Variants in KREMEN1 observed in about 807,000 individuals in gnomAD.
KREMEN1 encodes kringle containing transmembrane protein 1, also known as kremen protein 1.
A neutral mutation model predicts 46.5 loss-of-function variants in KREMEN1; 30 were observed. The observed-to-expected ratio is 0.65, with a 90% CI of 0.48 to 0.88. KREMEN1 has a LOEUF of 0.88. Ranked by LOEUF, KREMEN1 falls within the 40% of genes least tolerant of loss-of-function variation. The pLI is 0.00. For missense variants in KREMEN1, 533 were observed against 596.9 expected (o/e 0.89, Z 1.11); for synonymous variants, 214 against 230.6 (o/e 0.93, Z 0.65).
intron 4 of KREMEN1, among the ~76,000 whole-genome samples, chr22:29,122,847 A>C (rs927812251): frequency 5.5e-5 from 8 of 144,698 alleles, no homozygotes; most frequent in Non-Finnish European, 1.1e-4. Context: ...CTGAGGCGGG[A>C]GAATTGCTTG....
At chr22:29,148,769 C>T (rs901076068), downstream of KREMEN1, among the ~76,000 whole-genome samples, 2 of 152,068 alleles carry the variant, frequency 1.3e-5, no homozygotes, top group African/African-American at 4.8e-5. Flanking sequence ...AAGCTTCTAA[C>T]CTGACTGGCA....
chr22:29,136,665 G>A (rs2038662643), intron 5 of KREMEN1, among the ~76,000 whole-genome samples: 1 of 152,010 alleles, frequency 6.6e-6, no homozygotes, highest in Non-Finnish European at 1.5e-5. Context: ...ATGTAAGACA[G>A]GAAATCACTG....
chr22:29,159,124 GTTT>G (rs1162443966), intron 9 of KREMEN1, among the ~76,000 whole-genome samples: 1 of 35,324 alleles, frequency 2.8e-5, no homozygotes, highest in African/African-American at 7.5e-5. Flanking sequence ...CCAGCCAAGT[GTTT>G]TTTTTTTTTT....
Position 29,073,125 on chromosome 22 carries a change from C to T in KREMEN1, c.-6C>T. ...GCCGCGCCCCGGGGCCCCGCACTGACGGCCCATGGCGCCGCCAGCCGCCCG... is the reference window on the plus strand; with the variant it reads ...GCCGCGCCCCGGGGCCCCGCACTGATGGCCCATGGCGCCGCCAGCCGCCCG... On this transcript the variant is annotated 5_prime_UTR_variant, in exon 1 of 9. In the 5' UTR this introduces an upstream ATG that the reference lacks. Transcript: ENST00000400335. This position sits in a 1 kb window ranked among gnomAD's most constrained non-coding sequence, Gnocchi z 4.4. 1 of 1,040,350 alleles carries T rather than the reference C, an allele frequency of 9.6e-7. No individual in the cohort carries two copies. 64.4% of individuals were successfully genotyped at this position (1,040,350 alleles called of 1,614,324 possible). A position where few individuals can be genotyped will look rare whatever the true frequency, so the allele number is the denominator to read the frequency against.
chr22:29,153,532 T>A (rs4035128), intron 9 of KREMEN1, among the ~76,000 whole-genome samples: 18,101 of 151,978 alleles, frequency 0.12, 1,162 homozygotes, highest in African/African-American at 0.12. Context: ...CTTTTTTTTT[T>A]AATTATTGTA....
At chr22:29,115,174 A>G (rs914710506) in intron 3 of KREMEN1, among the ~76,000 whole-genome samples, 45 of 151,384 alleles carry the variant, frequency 3.0e-4, no homozygotes, top group African/African-American at 1.1e-3. Context: ...AGTGTGAAGG[A>G]ACTCAGGAAT....
intron 2 of KREMEN1, among the ~76,000 whole-genome samples, chr22:29,097,881 T>TA (rs1014462032): frequency 4.0e-4 from 60 of 150,210 alleles, no homozygotes; most frequent in African/African-American, 1.0e-3. Flanking sequence ...ACTGCCTCTT[T>TA]AAAAAAAAAA....
chr22:29,096,076 A>G (rs979093379), intron 2 of KREMEN1, among the ~76,000 whole-genome samples: 2 of 152,096 alleles, frequency 1.3e-5, no homozygotes, highest in Admixed American at 6.6e-5. Flanking sequence ...GTTCTTTTAT[A>G]TTTTATTTTC....
chr22:29,163,209 C>G (rs1375653815), intron 9 of KREMEN1, among the ~76,000 whole-genome samples: 2 of 152,078 alleles, frequency 1.3e-5, no homozygotes, highest in Non-Finnish European at 2.9e-5. Flanking sequence ...GAATTTTTTC[C>G]TGCTCTAGCT....
chr22:29,105,223 G>C (rs1175207507), intron 3 of KREMEN1, among the ~76,000 whole-genome samples: 2 of 152,104 alleles, frequency 1.3e-5, no homozygotes, highest in Non-Finnish European at 2.9e-5. Context: ...GTCTTGTTTA[G>C]GGCTTCTCTA....
intron 3 of KREMEN1, among the ~76,000 whole-genome samples, chr22:29,117,175 A>T (rs1162008290): frequency 6.6e-6 from 1 of 152,164 alleles, no homozygotes; most frequent in African/African-American, 2.4e-5. Flanking sequence ...ACATGCGCAC[A>T]TACACATGAA....
chr22:29,164,841 G>A (rs1220276863), intron 9 of KREMEN1, among the ~76,000 whole-genome samples: 2 of 152,000 alleles, frequency 1.3e-5, no homozygotes, highest in East Asian at 1.9e-4. Context: ...GGCCAGGCAT[G>A]GTGGCTCACA....
At chr22:29,117,346 T>G (rs965813623) in intron 3 of KREMEN1, among the ~76,000 whole-genome samples, 2 of 152,164 alleles carry the variant, frequency 1.3e-5, no homozygotes, top group Non-Finnish European at 2.9e-5. Flanking sequence ...GGTGGGCGGA[T>G]CGCAAGGTCA....
Position 29,143,867 on chromosome 22 carries a change from C to T in KREMEN1, c.*1755C>T. 1.0e-6 allele frequency: 1 copy of T among 985,470 alleles called. No individual in the cohort carries two copies. 61.0% of individuals were successfully genotyped at this position (985,470 alleles called of 1,614,324 possible). On this transcript the variant is annotated 3_prime_UTR_variant, in exon 9 of 9. Transcript: ENST00000400335. ...TGTCCCCAGTCCCTTGCCACCCTGT[C>T]CCTTAGATAGGGAGGTGGGCTGCAG...
intron 3 of KREMEN1, among the ~76,000 whole-genome samples, chr22:29,117,253 C>T (rs1343999417): frequency 2.6e-5 from 4 of 152,084 alleles, no homozygotes; most frequent in Non-Finnish European, 1.5e-5. Flanking sequence ...TGCTGTTTTC[C>T]AGTCTGAAAC....
intron 1 of KREMEN1, among the ~76,000 whole-genome samples, chr22:29,078,847 C>T (rs2037612076): frequency 6.6e-6 from 1 of 152,202 alleles, no homozygotes; most frequent in African/African-American, 2.4e-5. Flanking sequence ...AGATCCAGCA[C>T]CCCCAACGCC....
Position 29,121,592 on chromosome 22 carries a change from A to C in KREMEN1, c.477+111A>C. On this transcript the variant is annotated intron_variant, in intron 4 of 8. Transcript: ENST00000400335. ...TAAAATAAGCCAGACACAAAAGGCC[A>C]CATATTGTATGATTCCACTTACATG... 5 of 1,175,002 alleles carry C rather than the reference A, an allele frequency of 4.3e-6. No homozygotes were observed. In the South Asian group the frequency reaches 7.0e-5, roughly 16 times the overall value. The allele number at this position is 1,175,002 out of a possible 1,614,324, so 72.8% of individuals were successfully genotyped here. A position where few individuals can be genotyped will look rare whatever the true frequency, so the allele number is the denominator to read the frequency against.
intron 1 of KREMEN1, among the ~76,000 whole-genome samples, chr22:29,086,986 C>G (rs1288569852): frequency 2.0e-5 from 3 of 152,056 alleles, no homozygotes; most frequent in Non-Finnish European, 4.4e-5. Flanking sequence ...TGGTCTTGAA[C>G]TCCTGGGCTC....
chr22:29,166,859 A>G (rs1030759784), intron 9 of KREMEN1, among the ~76,000 whole-genome samples: 1 of 152,116 alleles, frequency 6.6e-6, no homozygotes, highest in African/African-American at 2.4e-5. Flanking sequence ...CTGGAGTCCA[A>G]GAGTTTGAGG....
Sources: gnomAD v4.1 joint callset for allele counts (sites outside exome capture counted in the v4.1 genomes callset) on GRCh38, gnomAD v4.1.1 for gene constraint, Gnocchi (gnomAD v3.1) non-coding constraint, MANE v1.5 for transcripts, NCBI Gene and HGNC (gene_info 2026-07-23, HGNC 2026-07-21) for gene names.